ADAMTSL1: variants seen among roughly 807,000 people sequenced by gnomAD.
ADAMTSL1 encodes the protein ADAMTS like 1.
A neutral mutation model predicts 201.8 loss-of-function variants in ADAMTSL1; 126 were observed. That is an observed-to-expected ratio of 0.62 (90% CI 0.54 to 0.72). ADAMTSL1 has a LOEUF of 0.72. ADAMTSL1 is among the 30% of genes least tolerant of loss of function. ADAMTSL1 has a pLI of 0.00. For missense variants in ADAMTSL1, 2,679 were observed against 2,277.8 expected (o/e 1.18, Z -3.59); for synonymous variants, 1,121 against 903.4 (o/e 1.24, Z -4.32).
intron 1 of ADAMTSL1, among the ~76,000 whole-genome samples, chr9:17,994,821 T>C (rs1456200432): frequency 6.6e-6 from 1 of 152,164 alleles, no homozygotes; most frequent in Non-Finnish European, 1.5e-5. Flanking sequence ...TTTGAAGTGA[T>C]TTATTAAAGT....
intron 1 of ADAMTSL1, among the ~76,000 whole-genome samples, chr9:18,499,876 G>T (rs1822742419): frequency 6.6e-6 from 1 of 151,322 alleles, no homozygotes; most frequent in Non-Finnish European, 1.5e-5. Context: ...CATTTCCTCA[G>T]CACCTACTTT....
intron 2 of ADAMTSL1, among the ~76,000 whole-genome samples, chr9:18,223,821 A>G (rs1270006216): frequency 6.6e-6 from 1 of 151,636 alleles, no homozygotes; most frequent in African/African-American, 2.4e-5. Context: ...TTTTTTTTTA[A>G]TTGTGAATAC....
At chr9:18,263,852 G>C (rs1832019807) in intron 2 of ADAMTSL1, among the ~76,000 whole-genome samples, 1 of 152,138 alleles carries the variant, frequency 6.6e-6, no homozygotes, top group Non-Finnish European at 1.5e-5. Flanking sequence ...CAGGAAGAGA[G>C]CCCTCAGCAG....
At chr9:18,336,982 G>A (rs890349647) in intron 2 of ADAMTSL1, among the ~76,000 whole-genome samples, 2 of 152,040 alleles carry the variant, frequency 1.3e-5, no homozygotes, top group Non-Finnish European at 2.9e-5. Context: ...TTAATGCAGT[G>A]GGTTACTGTG....
At chr9:18,874,836 G>C (rs2131477192) in intron 23 of ADAMTSL1, among the ~76,000 whole-genome samples, 1 of 152,200 alleles carries the variant, frequency 6.6e-6, no homozygotes, top group East Asian at 1.9e-4. Context: ...GTTTCAGTAG[G>C]ATTGGTACTA....
chr9:18,606,100 T>C (rs1275574831), intron 4 of ADAMTSL1, among the ~76,000 whole-genome samples: 2 of 152,106 alleles, frequency 1.3e-5, no homozygotes, highest in African/African-American at 2.4e-5. Context: ...ATGCGAGCTG[T>C]TTGGGCTGAG....
chr9:18,196,067 C>T (rs970949716), intron 2 of ADAMTSL1, among the ~76,000 whole-genome samples: 4 of 152,048 alleles, frequency 2.6e-5, no homozygotes, highest in South Asian at 4.1e-4. Context: ...TGCCATTCCA[C>T]GGGTGGACGT....
chr9:18,111,558 C>T (rs1825010169), intron 1 of ADAMTSL1, among the ~76,000 whole-genome samples: 1 of 152,156 alleles, frequency 6.6e-6, no homozygotes, highest in South Asian at 2.1e-4. Context: ...AACCTATCAT[C>T]ATCATTGTCA....
chr9:18,554,704 A>G (rs1246869585), intron 3 of ADAMTSL1, among the ~76,000 whole-genome samples: 3 of 145,640 alleles, frequency 2.1e-5, no homozygotes, highest in African/African-American at 7.6e-5. Context: ...TGTTTGTATT[A>G]TCTCATTTTA....
chr9:18,725,437 T>C (rs1336186759), intron 15 of ADAMTSL1, among the ~76,000 whole-genome samples: 1 of 152,220 alleles, frequency 6.6e-6, no homozygotes, highest in Non-Finnish European at 1.5e-5. Context: ...AGGACCATTT[T>C]TGCTTGTGAG....
rs185491620 is a variant in ADAMTSL1, at chr9:18,620,220, C to A, written c.475-2023C>A. ...CTTGCCTCCCTAATCAAATTGAATT[C>A]TTCATATTTTATGCTCTCAGAGTGT... On this transcript the variant is annotated intron_variant, in intron 4 of 28. Coordinates refer to ENST00000380548, the MANE Select transcript of ADAMTSL1 (RefSeq NM_001040272.6). 5.7e-3 allele frequency among the ~76,000 whole-genome samples: 866 copies of A among 152,052 alleles called. 14 individuals are homozygous for A. Among genetic ancestry groups the A allele is most frequent in the African/African-American group, 0.02 (826 of 41,470 alleles).
chr9:17,913,672 A>G (rs1318364851), intron 1 of ADAMTSL1, among the ~76,000 whole-genome samples: 1 of 152,056 alleles, frequency 6.6e-6, no homozygotes, highest in Non-Finnish European at 1.5e-5. Context: ...AACTAAAATC[A>G]GAGCAGAACT....
chr9:18,090,328 G>C (rs1202023182), intron 1 of ADAMTSL1, among the ~76,000 whole-genome samples: 1 of 152,142 alleles, frequency 6.6e-6, no homozygotes, highest in Non-Finnish European at 1.5e-5. Flanking sequence ...ATTCACAATA[G>C]CCAAAACAGG....
intron 7 of ADAMTSL1, among the ~76,000 whole-genome samples, chr9:18,656,895 C>T (rs1444933043): frequency 6.6e-6 from 1 of 151,830 alleles, no homozygotes; most frequent in Non-Finnish European, 1.5e-5. Context: ...ACCTTGTACT[C>T]TTAAGAACCA....
rs74690132 is a variant in ADAMTSL1, at chr9:18,279,569, C to T, written c.207+115588C>T. The stretch of plus-strand genomic sequence containing the variant: ...ACTGGATTTGTCAGGGAAAACCCTT[C>T]ACCAATCGGGGAAACATGACACCAC... On this transcript the variant is annotated intron_variant, in intron 2 of 29. Transcript: ENST00000680146. 1.7e-3 allele frequency among the ~76,000 whole-genome samples: 252 copies of T among 151,468 alleles called. 1 individual carries two copies. The highest frequency in any genetic ancestry group is 2.5e-3 in the Non-Finnish European group (170 of 67,898).
chr9:17,937,219 C>T (rs114054882), intron 1 of ADAMTSL1, among the ~76,000 whole-genome samples: 1,663 of 152,252 alleles, frequency 0.011, 26 homozygotes, highest in African/African-American at 0.038. Context: ...ATAATCGGAA[C>T]AGCACATTGC....
chr9:18,089,650 A>G lies in ADAMTSL1; in HGVS notation c.88-74212A>G, dbSNP rs557020174. Among the ~76,000 whole-genome samples, 9 of 152,336 alleles carry G rather than the reference A, an allele frequency of 5.9e-5. No individual in the cohort carries two copies. The South Asian group carries it at 1.4e-3, about 25-fold the overall frequency. The stretch of plus-strand genomic sequence containing the variant: ...GGATGAAACTTGAGAACATTATGCT[A>G]TGAAATAAGCCAGTCACAGAATGAC... On this transcript the variant is annotated intron_variant, in intron 1 of 29. Transcript: ENST00000680146.
chr9:18,350,984 G>T (rs563161071), intron 2 of ADAMTSL1, among the ~76,000 whole-genome samples: 1 of 152,278 alleles, frequency 6.6e-6, no homozygotes, highest in East Asian at 1.9e-4. Context: ...CTTATATGGA[G>T]CTTTTAGCTA....
At chr9:18,869,796 ATAGGTGGTTTGT>A (rs1827774304) in intron 23 of ADAMTSL1, among the ~76,000 whole-genome samples, 1 of 152,086 alleles carries the variant, frequency 6.6e-6, no homozygotes, top group African/African-American at 2.4e-5. Flanking sequence ...TATGATGTGC[ATAGGTGGTTTGT>A]AAACTTTTTA....
Sources: allele counts gnomAD v4.1 joint callset (sites outside exome capture counted in the v4.1 genomes callset), GRCh38; gene constraint gnomAD v4.1.1; transcripts MANE v1.5; gene names NCBI Gene and HGNC (gene_info 2026-07-23, HGNC 2026-07-21).